The following ALG14 variants were observed in gnomAD, a reference collection of about 807,000 sequenced individuals.
The protein encoded by ALG14 is ALG14 UDP-N-acetylglucosaminyltransferase subunit.
In ALG14, 17 loss-of-function variants were observed where a neutral mutation model predicts 22.8. That is an observed-to-expected ratio of 0.75 (90% CI 0.51 to 1.12). ALG14 has a LOEUF of 1.12. ALG14 is among the 50% of genes most tolerant of loss of function. ALG14 has a pLI of 0.00. For missense variants in ALG14, 288 were observed against 271.8 expected, an observed-to-expected ratio of 1.06 and a Z score of -0.42; for synonymous variants, 89 against 103.7, an observed-to-expected ratio of 0.86 and a Z score of 0.86.
At chr1:95,040,331 G>GAA (rs1674340540) in intron 2 of ALG14, among the ~76,000 whole-genome samples, 1 of 152,134 alleles carries the variant, frequency 6.6e-6, no homozygotes, top group Admixed American at 6.6e-5. Flanking sequence ...TTACTCATAT[G>GAA]TTGCTTCATG....
chr1:95,022,532 G>T (rs72720244), intron 3 of ALG14, among the ~76,000 whole-genome samples: 1 of 152,176 alleles, frequency 6.6e-6, no homozygotes, highest in Non-Finnish European at 1.5e-5. Context: ...AATTTACAGC[G>T]CATATATGGA....
intron 2 of ALG14, among the ~76,000 whole-genome samples, chr1:95,042,305 TACACAC>T (rs34055488): frequency 6.7e-6 from 1 of 150,204 alleles, no homozygotes; most frequent in Non-Finnish European, 1.5e-5. Context: ...GATTTAAACA[TACACAC>T]ACACACACAC....
chr1:94,991,424 C>T (rs1465836964), intron 3 of ALG14, among the ~76,000 whole-genome samples: 2 of 152,222 alleles, frequency 1.3e-5, no homozygotes, highest in African/African-American at 4.8e-5. Context: ...CAGCATGCTA[C>T]TATACTGAAT....
rs996597544 is a variant in ALG14 at position 94,981,643 on chromosome 1, C to T, written c.*1433G>A. 8 of 150,036 alleles carry T rather than the reference C, an allele frequency of 5.3e-5. No individual in the cohort carries two copies. The highest frequency in any genetic ancestry group is 2.0e-4 in the African/African-American group (8 of 40,928). 9.3% of individuals were successfully genotyped at this position (150,036 alleles called of 1,614,324 possible). ...AAGAGGAAAAAACCTATATATACTA[C>T]AGGAGAGAATCTTCTCTTTTCTGTT... On this transcript the variant is annotated 3_prime_UTR_variant, in exon 4 of 4. Transcript: ENST00000370205.
At chr1:95,034,109 A>G (rs1392600049) in intron 2 of ALG14, among the ~76,000 whole-genome samples, 1 of 152,172 alleles carries the variant, frequency 6.6e-6, no homozygotes, top group Non-Finnish European at 1.5e-5. Flanking sequence ...TTGTCTGCTC[A>G]TTCTAACAAG....
At chr1:95,036,042 C>A (rs560870243) in intron 2 of ALG14, among the ~76,000 whole-genome samples, 5 of 152,114 alleles carry the variant, frequency 3.3e-5, no homozygotes, top group African/African-American at 1.2e-4. Context: ...TAATTTACCA[C>A]AAAATTTTTT....
At chr1:95,013,245 A>C (rs890775349) in intron 3 of ALG14, among the ~76,000 whole-genome samples, 2 of 151,964 alleles carry the variant, frequency 1.3e-5, no homozygotes, top group African/African-American at 4.8e-5. Flanking sequence ...AACAAGCTGT[A>C]TTTGAAATTA....
At chr1:95,008,983 G>A (rs1456902876) in intron 3 of ALG14, among the ~76,000 whole-genome samples, 3 of 152,022 alleles carry the variant, frequency 2.0e-5, no homozygotes, top group Non-Finnish European at 2.9e-5. Context: ...GTTGTGGCAT[G>A]TATCAGAATT....
intron 3 of ALG14, among the ~76,000 whole-genome samples, chr1:94,996,747 T>A (rs1672918392): frequency 6.6e-6 from 1 of 152,150 alleles, no homozygotes; most frequent in Admixed American, 6.6e-5. Context: ...AGTGGCACAA[T>A]CTCGGCTCAC....
At chr1:95,035,483 T>C (rs899665212) in intron 2 of ALG14, among the ~76,000 whole-genome samples, 15 of 152,206 alleles carry the variant, frequency 9.9e-5, no homozygotes, top group African/African-American at 3.6e-4. Flanking sequence ...TGAACTTGAC[T>C]GATGTATAAT....
chr1:94,994,435 G>T (rs1422093114), intron 3 of ALG14, among the ~76,000 whole-genome samples: 1 of 152,214 alleles, frequency 6.6e-6, no homozygotes, highest in Non-Finnish European at 1.5e-5. Context: ...TCAGCTTGAG[G>T]AGTAAGGGAA....
rs1186185799 is a variant in ALG14 at position 95,027,219 on chromosome 1, C to T, written c.330G>A (p.Glu110=). The change falls in exon 3 of 4, where the codon GAG becomes GAA. Residue 110 remains glutamate, a synonymous_variant. Coordinates refer to ENST00000370205, the MANE Select transcript of ALG14 (RefSeq NM_144988.4). ...YYIHRIPRSR[E]VQQSWPSTVF... The stretch of plus-strand genomic sequence containing the variant: ...CGGTGGAGGGCCAGGACTGCTGAAC[C>T]TCCCGGCTTCTTGGAATTCGGTGAA... The T allele has an allele frequency of 3.3e-5, 54 of 1,614,156 alleles. No homozygotes were observed. The highest frequency in any genetic ancestry group is 4.6e-5 in the Non-Finnish European group (54 of 1,180,006).
At chr1:94,997,628 C>T (rs1394795360) in intron 3 of ALG14, among the ~76,000 whole-genome samples, 3 of 152,190 alleles carry the variant, frequency 2.0e-5, no homozygotes, top group African/African-American at 7.2e-5. Context: ...ATCATTTCAC[C>T]TCTCTGTACT....
At chr1:95,065,045 T>G (rs1389492441) in intron 1 of ALG14, 28 bp from the exon 2 acceptor site, 1 of 1,593,574 alleles carries the variant, frequency 6.3e-7, no homozygotes, top group Non-Finnish European at 8.6e-7. Flanking sequence ...AGTCCTAAGA[T>G]TAAGAAACCC....
At chr1:95,000,931 C>A (rs1201446783) in intron 3 of ALG14, among the ~76,000 whole-genome samples, 5 of 152,216 alleles carry the variant, frequency 3.3e-5, no homozygotes, top group African/African-American at 9.6e-5. Flanking sequence ...TGGCAGTTAA[C>A]ACACACTCAT....
intron 3 of ALG14, among the ~76,000 whole-genome samples, chr1:95,021,417 C>G (rs190774390): frequency 6.6e-6 from 1 of 152,336 alleles, no homozygotes; most frequent in African/African-American, 2.4e-5. Flanking sequence ...AACTCTAAAA[C>G]TTTAATGATC....
At chr1:95,010,314 GCTCT>G (rs1026883400) in intron 3 of ALG14, among the ~76,000 whole-genome samples, 1 of 152,110 alleles carries the variant, frequency 6.6e-6, no homozygotes, top group African/African-American at 2.4e-5. Context: ...AGCTCAGATT[GCTCT>G]CTGAGTTCTG....
At position 95,033,378 on chromosome 1, in the gene ALG14, A is replaced by AATAC. The variant is rs539539567; in HGVS notation, c.289-6122_289-6119dup. On this transcript the variant is annotated intron_variant, in intron 2 of 3. Coordinates refer to ENST00000370205, the MANE Select transcript of ALG14 (RefSeq NM_144988.4). Reference sequence around the variant, plus strand: ...TCAATCCATCCTACGGGGGCTGAGAAATACATACATACATACATACATACA... The same window carrying AATAC: ...TCAATCCATCCTACGGGGGCTGAGAAATACATACATACATACATACATACATACA... Among the ~76,000 whole-genome samples, 1,074 of 148,774 alleles carry AATAC rather than the reference A, an allele frequency of 7.2e-3. 11 individuals carry two copies. Among genetic ancestry groups the AATAC allele is most frequent in the African/African-American group, 0.023 (908 of 40,078 alleles).
intron 2 of ALG14, among the ~76,000 whole-genome samples, chr1:95,051,083 C>A (rs1051775856): frequency 6.6e-6 from 1 of 152,050 alleles, no homozygotes; most frequent in African/African-American, 2.4e-5. Flanking sequence ...ATCACCTATA[C>A]ACAGAAGACT....
Sources: gnomAD v4.1 joint callset for allele counts (sites outside exome capture counted in the v4.1 genomes callset) on GRCh38, gnomAD v4.1.1 for gene constraint, MANE v1.5 for transcripts, NCBI Gene and HGNC (gene_info 2026-07-23, HGNC 2026-07-21) for gene names.